ZCCHC2: variants seen among roughly 807,000 people sequenced by gnomAD.
The protein encoded by ZCCHC2 is zinc finger CCHC-type containing 2, also known as zinc finger CCHC domain-containing protein 2.
In ZCCHC2, 39 loss-of-function variants were observed where a neutral mutation model predicts 103.6. That is an observed-to-expected ratio of 0.38 (90% CI 0.29 to 0.49). The LOEUF is 0.49. Ranked by LOEUF, ZCCHC2 falls within the 20% of genes least tolerant of loss-of-function variation. ZCCHC2 has a pLI of 0.96. For synonymous variants in ZCCHC2, 687 were observed against 608.9 expected, an observed-to-expected ratio of 1.13 and a Z score of -1.89; for missense variants, 1,483 against 1,491.0, an observed-to-expected ratio of 0.99 and a Z score of 0.09.
At chr18:62,545,614 T>C (rs1915377676) in intron 4 of ZCCHC2, among the ~76,000 whole-genome samples, 1 of 152,216 alleles carries the variant, frequency 6.6e-6, no homozygotes, top group Non-Finnish European at 1.5e-5. Flanking sequence ...TAGAAATACA[T>C]ATCAAAAGGA....
rs1483384738 is a variant in ZCCHC2, at chr18:62,577,508, G to C, written c.*929G>C. ...TTGAGTGAAGATTTCTTCTTTCCCT[G>C]TACCAGCTGTTACAGTGTTACGTTG... On this transcript the variant is annotated 3_prime_UTR_variant, in exon 14 of 14. Transcript: ENST00000269499. 1 of 152,570 alleles carries C rather than the reference G, an allele frequency of 6.6e-6. No homozygotes were observed. The highest frequency in any genetic ancestry group is 1.5e-5 in the Non-Finnish European group (1 of 68,048). The allele number at this position is 152,570 out of a possible 1,614,324, so 9.5% of individuals were successfully genotyped here.
intron 9 of ZCCHC2, among the ~76,000 whole-genome samples, chr18:62,563,466 C>T (rs555201633): frequency 8.0e-4 from 121 of 152,152 alleles, no homozygotes; most frequent in Admixed American, 1.3e-3. Context: ...TGACCAGCCT[C>T]GGCAACATAC....
chr18:62,541,082 T>C (rs542221509), intron 2 of ZCCHC2, among the ~76,000 whole-genome samples: 28 of 152,336 alleles, frequency 1.8e-4, no homozygotes, highest in African/African-American at 6.0e-4. Flanking sequence ...GTTCAGAAGA[T>C]TTTTGTTGAA....
At chr18:62,558,993 G>T (rs889474551) in intron 7 of ZCCHC2, among the ~76,000 whole-genome samples, 1 of 152,244 alleles carries the variant, frequency 6.6e-6, no homozygotes, top group African/African-American at 2.4e-5. Flanking sequence ...AATAAATGGT[G>T]TTGGCACAAT....
chr18:62,567,365 TTAAA>T (rs1916412219), intron 11 of ZCCHC2, among the ~76,000 whole-genome samples: 2 of 152,264 alleles, frequency 1.3e-5, no homozygotes, highest in South Asian at 4.1e-4. Flanking sequence ...GTTTGGATCT[TTAAA>T]TAATACATTT....
At chr18:62,556,160 A>T (rs1235952944) in intron 5 of ZCCHC2, 43 bp from the exon 6 acceptor site, 1 of 1,490,138 alleles carries the variant, frequency 6.7e-7, no homozygotes, top group Admixed American at 2.0e-5. Flanking sequence ...TTGTGGATTA[A>T]CATTACCTGA....
At chr18:62,536,735 TGGA>T (rs1914945609) in intron 1 of ZCCHC2, among the ~76,000 whole-genome samples, 1 of 152,208 alleles carries the variant, frequency 6.6e-6, no homozygotes, top group Admixed American at 6.5e-5. Flanking sequence ...TGCTGAGACT[TGGA>T]GGAGAAAATA....
At chr18:62,578,629 A>C (rs575132184), downstream of ZCCHC2, 2 of 152,774 alleles carry the variant, frequency 1.3e-5, no homozygotes, top group South Asian at 4.1e-4. Flanking sequence ...GAGATAGGAC[A>C]TCATACATGG....
intron 8 of ZCCHC2, among the ~76,000 whole-genome samples, chr18:62,561,141 C>T (rs1233594403): frequency 6.6e-6 from 1 of 152,210 alleles, no homozygotes; most frequent in African/African-American, 2.4e-5. Flanking sequence ...CACCTATGAT[C>T]ATTTTCCTTC....
At chr18:62,530,666 T>C (rs13381001) in intron 1 of ZCCHC2, among the ~76,000 whole-genome samples, 3,784 of 152,310 alleles carry the variant, frequency 0.025, 144 homozygotes, top group African/African-American at 0.085. Flanking sequence ...TATTTTATTT[T>C]TGTTAGTACT....
chr18:62,555,864 A>G (rs1915863080), intron 5 of ZCCHC2, among the ~76,000 whole-genome samples: 1 of 152,160 alleles, frequency 6.6e-6, no homozygotes, highest in Admixed American at 6.6e-5. Flanking sequence ...AGAAGAGTAA[A>G]GAAATTGCAG....
At chr18:62,563,680 T>A (rs979539136) in intron 9 of ZCCHC2, among the ~76,000 whole-genome samples, 1 of 152,088 alleles carries the variant, frequency 6.6e-6, no homozygotes, top group African/African-American at 2.4e-5. Context: ...TAAAACAAAA[T>A]AAAAATTTTA....
rs758798024 is a variant in ZCCHC2 at position 62,574,643 on chromosome 18, A to T, written c.2562A>T (p.Pro854=). The change falls in exon 13 of 14, where the codon CCA becomes CCT. Residue 854 remains proline, a synonymous_variant. Coordinates refer to ENST00000269499, the MANE Select transcript of ZCCHC2 (RefSeq NM_017742.6). ...PNTAFIPIHN[P]GSFPGSPVAT... ...CTGCCTTTATTCCTATCCATAACCC[A>T]GGTAGTTTCCCAGGCTCTCCTGTTG... is the stretch of plus-strand genomic sequence containing the variant. 6.2e-7 allele frequency: 1 copy of T among 1,614,006 alleles called. No homozygotes were observed. Among genetic ancestry groups the T allele is most frequent in the Non-Finnish European group, 8.5e-7 (1 of 1,179,890 alleles).
In ZCCHC2 at chr18:62,577,426, A is replaced by G. The variant is rs1916893593; in HGVS notation, c.*847A>G. The G allele has an allele frequency of 6.6e-6, 1 of 152,284 alleles. No homozygotes were observed. The highest frequency in any genetic ancestry group is 2.4e-5 in the African/African-American group (1 of 41,462). 9.4% of individuals were successfully genotyped at this position (152,284 alleles called of 1,614,324 possible). ...TCTCTGTGTGCTTGTGTTTGTAATG[A>G]AAGTCTACAGCCAATTTTACTTGTC... On this transcript the variant is annotated 3_prime_UTR_variant, in exon 14 of 14. Transcript: ENST00000269499.
rs549091720 is a variant in ZCCHC2 at position 62,577,680 on chromosome 18, G to A, written c.*1101G>A. 80 of 152,482 alleles carry A rather than the reference G, an allele frequency of 5.2e-4. No homozygotes were observed. The highest frequency in any genetic ancestry group is 6.2e-4 in the South Asian group (3 of 4,816). 9.4% of individuals were successfully genotyped at this position (152,482 alleles called of 1,614,324 possible). ...TATGCTTGATTATAATGTGAAAGGC[G>A]GAATTCTGAGTGTGTTAAGATGGTA... is the stretch of plus-strand genomic sequence containing the variant. On this transcript the variant is annotated 3_prime_UTR_variant, in exon 14 of 14. Transcript: ENST00000269499.
intron 1 of ZCCHC2, among the ~76,000 whole-genome samples, chr18:62,531,791 TA>T (rs11315078): frequency 0.73 from 82,467 of 113,634 alleles, 28,278 homozygotes; most frequent in East Asian, 0.77. Context: ...CTACAAAAAG[TA>T]AAAAAAAAAA....
intron 1 of ZCCHC2, among the ~76,000 whole-genome samples, chr18:62,527,400 G>A (rs1003131098): frequency 6.6e-6 from 1 of 152,076 alleles, no homozygotes; most frequent in African/African-American, 2.4e-5. Flanking sequence ...TAATAGTTGA[G>A]GTATAACACG....
In ZCCHC2 at chr18:62,576,764, G is replaced by C. The variant is rs765887921; in HGVS notation, c.*185G>C. The C allele has an allele frequency of 1.4e-4, 80 of 558,856 alleles. No homozygotes were observed. The highest frequency in any genetic ancestry group is 2.2e-5 in the Non-Finnish European group (7 of 316,654). 34.6% of individuals were successfully genotyped at this position (558,856 alleles called of 1,614,324 possible). A position where few individuals can be genotyped will look rare whatever the true frequency, so the allele number is the denominator to read the frequency against. On this transcript the variant is annotated 3_prime_UTR_variant, in exon 14 of 14. Transcript: ENST00000269499. ...AAGAATGCAATGCTTTTGAGCCTCTGGTCTCCTGGTTCAACAACAGGCTTA... is the reference window on the plus strand; with the variant it reads ...AAGAATGCAATGCTTTTGAGCCTCTCGTCTCCTGGTTCAACAACAGGCTTA...
intron 2 of ZCCHC2, among the ~76,000 whole-genome samples, chr18:62,541,160 T>G (rs1915156577): frequency 6.6e-6 from 1 of 152,220 alleles, no homozygotes; most frequent in Non-Finnish European, 1.5e-5. Flanking sequence ...CCACTTTGGC[T>G]CTTATCCTAT....
Sources: allele counts gnomAD v4.1 joint callset (sites outside exome capture counted in the v4.1 genomes callset), GRCh38; gene constraint gnomAD v4.1.1; transcripts MANE v1.5; gene names NCBI Gene and HGNC (gene_info 2026-07-23, HGNC 2026-07-21).